Variants in ZCCHC24 observed in about 807,000 individuals in gnomAD.
The protein encoded by ZCCHC24 is zinc finger CCHC-type containing 24, also known as zinc finger CCHC domain-containing protein 24.
A neutral mutation model predicts 26.2 loss-of-function variants in ZCCHC24; 10 were observed. The ratio of observed to expected loss-of-function variants is 0.38; its 90% CI spans 0.24 to 0.65. ZCCHC24 has a LOEUF of 0.65. Among genes scored for constraint, ZCCHC24 ranks in the 30% least tolerant of loss-of-function variants. The probability of loss-of-function intolerance (pLI) is 0.54; values close to 1 mark genes in which losing one functional copy is unlikely to be tolerated. For synonymous variants in ZCCHC24, 144 were observed against 147.1 expected (o/e 0.98, Z 0.15); for missense variants, 243 against 329.1 (o/e 0.74, Z 2.03).
intron 2 of ZCCHC24, 57 bp from the exon 3 acceptor site, chr10:79,394,497 C>A: frequency 6.3e-7 from 1 of 1,582,536 alleles, no homozygotes; most frequent in South Asian, 1.2e-5. Context: ...GATGATGCCC[C>A]ACAGGGTTCC....
At chr10:79,392,179 G>C (rs1052989941) in intron 3 of ZCCHC24, among the ~76,000 whole-genome samples, 1 of 152,002 alleles carries the variant, frequency 6.6e-6, no homozygotes, top group African/African-American at 2.4e-5. Context: ...GCCAACCTTT[G>C]CCCCGTGGAC....
chr10:79,442,561 C>T (rs946060205), intron 1 of ZCCHC24, among the ~76,000 whole-genome samples: 25 of 152,132 alleles, frequency 1.6e-4, no homozygotes, highest in African/African-American at 4.8e-4. Flanking sequence ...CAGGGGTTGG[C>T]GCAGACAGGC....
At position 79,437,821 on chromosome 10, in the gene ZCCHC24, ACTT is replaced by A. The variant is rs776296825; in HGVS notation, c.247-5066_247-5064del. The stretch of plus-strand genomic sequence containing the variant: ...CCCCGGAGCAAGCCTGACAAGAGGG[ACTT>A]CTTCTCTTTTCTTCCTTCCCTGCAG... On this transcript the variant is annotated intron_variant, in intron 1 of 3. Coordinates refer to ENST00000372336, the MANE Select transcript of ZCCHC24 (RefSeq NM_153367.4). 3.9e-5 allele frequency among the ~76,000 whole-genome samples: 6 copies of A among 152,306 alleles called. No individual in the cohort carries two copies. The East Asian group carries it at 7.7e-4, about 20-fold the overall frequency.
At chr10:79,401,829 G>T (rs978972323) in intron 2 of ZCCHC24, among the ~76,000 whole-genome samples, 1 of 152,244 alleles carries the variant, frequency 6.6e-6, no homozygotes, top group Non-Finnish European at 1.5e-5. Flanking sequence ...AAGAGGAGCA[G>T]GGGGAGGAAA....
At chr10:79,435,153 T>C (rs1023871739) in intron 1 of ZCCHC24, among the ~76,000 whole-genome samples, 2 of 152,012 alleles carry the variant, frequency 1.3e-5, no homozygotes, top group African/African-American at 4.8e-5. Flanking sequence ...GGAAACACAA[T>C]TTCACAAATA....
chr10:79,403,318 G>C (rs957440384), intron 2 of ZCCHC24: 14 of 897,384 alleles, frequency 1.6e-5, no homozygotes, highest in Non-Finnish European at 1.9e-5. Flanking sequence ...ACTGAGGCTC[G>C]AGACAGGGGC....
At chr10:79,443,276 G>C (rs1001141040) in intron 1 of ZCCHC24, among the ~76,000 whole-genome samples, 2 of 152,172 alleles carry the variant, frequency 1.3e-5, no homozygotes, top group Non-Finnish European at 2.9e-5. Flanking sequence ...TGGGATCCTG[G>C]ATGCCAGAAA....
intron 2 of ZCCHC24, among the ~76,000 whole-genome samples, chr10:79,401,364 G>C (rs375777387): frequency 6.6e-6 from 1 of 152,182 alleles, no homozygotes; most frequent in African/African-American, 2.4e-5. Context: ...TTTGTGTCCC[G>C]ACAACCATCC....
intron 2 of ZCCHC24, among the ~76,000 whole-genome samples, chr10:79,410,050 T>C (rs1214738435): frequency 1.3e-5 from 2 of 152,222 alleles, no homozygotes; most frequent in African/African-American, 4.8e-5. Flanking sequence ...TCTGGCCCTC[T>C]TGCTCTTCCT....
At chr10:79,422,746 C>G (rs1337530457) in intron 2 of ZCCHC24, among the ~76,000 whole-genome samples, 1 of 152,226 alleles carries the variant, frequency 6.6e-6, no homozygotes, top group Non-Finnish European at 1.5e-5. Context: ...CTCAGGCCCT[C>G]CCAGACCTCT....
At chr10:79,406,773 CCTGA>C (rs1383760751) in intron 2 of ZCCHC24, among the ~76,000 whole-genome samples, 3 of 152,338 alleles carry the variant, frequency 2.0e-5, no homozygotes, top group South Asian at 4.1e-4. Context: ...TGAACCCAGG[CCTGA>C]CTGACTGCTG....
At chr10:79,403,843 A>T (rs1233456439) in intron 2 of ZCCHC24, among the ~76,000 whole-genome samples, 1 of 152,096 alleles carries the variant, frequency 6.6e-6, no homozygotes, top group East Asian at 1.9e-4. Flanking sequence ...TCACAGGGAC[A>T]GGAAAAGGCC....
At chr10:79,388,154 CTGA>C (rs1257179880) in intron 3 of ZCCHC24, among the ~76,000 whole-genome samples, 7 of 152,204 alleles carry the variant, frequency 4.6e-5, no homozygotes, top group South Asian at 4.1e-4. Context: ...AACAGGGATG[CTGA>C]TAACAGCTTT....
At chr10:79,411,746 G>C (rs777036236) in intron 2 of ZCCHC24, among the ~76,000 whole-genome samples, 28 of 152,128 alleles carry the variant, frequency 1.8e-4, no homozygotes, top group Non-Finnish European at 3.2e-4. Context: ...GCTAGGGAGA[G>C]TCTGAAGCAA....
chr10:79,392,775 G>C (rs539336092), intron 3 of ZCCHC24, among the ~76,000 whole-genome samples: 1 of 152,312 alleles, frequency 6.6e-6, no homozygotes, highest in East Asian at 1.9e-4. Flanking sequence ...CTACAAATCA[G>C]CACCTCCACT....
chr10:79,427,830 G>A (rs1400531869), intron 2 of ZCCHC24, among the ~76,000 whole-genome samples: 2 of 152,166 alleles, frequency 1.3e-5, no homozygotes, highest in Non-Finnish European at 1.5e-5. Flanking sequence ...AATGAGTTAT[G>A]ATCACAGCAC....
intron 2 of ZCCHC24, among the ~76,000 whole-genome samples, chr10:79,408,496 T>C (rs1416091682): frequency 6.6e-6 from 1 of 152,178 alleles, no homozygotes; most frequent in Non-Finnish European, 1.5e-5. Flanking sequence ...CCTTTCCACA[T>C]GTGCCCTCGA....
rs5786398 is a variant in ZCCHC24, at chr10:79,383,631, CT to C, written c.*2713del. ...AATCAAACAATTATATTTTTCTTTTCTTTTTTTTTTTTTAAAAAAAGGCCCT... is the reference window on the plus strand; with the variant it reads ...AATCAAACAATTATATTTTTCTTTTCTTTTTTTTTTTTAAAAAAAGGCCCT... On this transcript the variant is annotated 3_prime_UTR_variant, in exon 4 of 4. Transcript: ENST00000372336. 3.7e-3 allele frequency: 532 copies of C among 144,288 alleles called. 1 individual carries two copies. The highest frequency in any genetic ancestry group is 0.011 in the African/African-American group (430 of 39,326). 8.9% of individuals were successfully genotyped at this position (144,288 alleles called of 1,614,324 possible). A position where few individuals can be genotyped will look rare whatever the true frequency, so the allele number is the denominator to read the frequency against.
In ZCCHC24 at chr10:79,383,715, T is replaced by G. The variant is rs1463172321; in HGVS notation, c.*2630A>C. On this transcript the variant is annotated 3_prime_UTR_variant, in exon 4 of 4. Transcript: ENST00000372336. ...ATTTTTTCGGGAAAAGCTACCAAAT[T>G]CAGTGTTGTGAGAAAAACTGGTAAC... The G allele has an allele frequency of 6.6e-6, 1 of 152,494 alleles. No individual in the cohort carries two copies. Among genetic ancestry groups the G allele is most frequent in the Non-Finnish European group, 1.5e-5 (1 of 68,018 alleles). The allele number at this position is 152,494 out of a possible 1,614,324, so 9.4% of individuals were successfully genotyped here.
Sources: gnomAD v4.1 joint callset for allele counts (sites outside exome capture counted in the v4.1 genomes callset) on GRCh38, gnomAD v4.1.1 for gene constraint, MANE v1.5 for transcripts, NCBI Gene and HGNC (gene_info 2026-07-23, HGNC 2026-07-21) for gene names.